NR5A2: variants seen among roughly 807,000 people sequenced by gnomAD.
NR5A2 encodes CYP7A promoter-binding factor.
Under a neutral mutation model 62.7 loss-of-function variants are expected in NR5A2, and 26 were observed. The observed-to-expected ratio is 0.41, with a 90% CI of 0.30 to 0.58. The LOEUF is 0.58. NR5A2 is among the 20% of genes least tolerant of loss of function. The probability of loss-of-function intolerance (pLI) is 0.22; values close to 1 mark genes in which losing one functional copy is unlikely to be tolerated. For missense variants in NR5A2, 541 were observed against 669.1 expected (o/e 0.81, Z 2.11); for synonymous variants, 246 against 241.7 (o/e 1.02, Z -0.16).
chr1:200,076,986 T>C (rs1167057589), intron 5 of NR5A2, among the ~76,000 whole-genome samples: 1 of 152,184 alleles, frequency 6.6e-6, no homozygotes, highest in Non-Finnish European at 1.5e-5. Context: ...AAAAGTTAGG[T>C]AGACCATGTC....
At chr1:200,067,467 AG>A (rs975097819) in intron 5 of NR5A2, among the ~76,000 whole-genome samples, 31 of 152,198 alleles carry the variant, frequency 2.0e-4, no homozygotes, top group Non-Finnish European at 4.3e-4. Context: ...GAGGCAGGAC[AG>A]TTGCTTGAAC....
intron 5 of NR5A2, among the ~76,000 whole-genome samples, chr1:200,066,892 T>A (rs1315880142): frequency 6.6e-6 from 1 of 152,202 alleles, no homozygotes; most frequent in Non-Finnish European, 1.5e-5. Flanking sequence ...CCATCTATTT[T>A]AAAGTTTGGC....
intron 7 of NR5A2, among the ~76,000 whole-genome samples, chr1:200,169,376 C>T (rs1256632529): frequency 6.6e-6 from 1 of 152,166 alleles, no homozygotes; most frequent in Non-Finnish European, 1.5e-5. Flanking sequence ...ATGTGAGCCT[C>T]ACAGCCCCCA....
intron 5 of NR5A2, among the ~76,000 whole-genome samples, chr1:200,065,235 C>T (rs1663413424): frequency 6.6e-6 from 1 of 152,196 alleles, no homozygotes; most frequent in African/African-American, 2.4e-5. Flanking sequence ...CAACCTCTGC[C>T]TGGGTTCAAG....
At chr1:200,030,022 T>C (rs1461184452) in intron 1 of NR5A2, among the ~76,000 whole-genome samples, 1 of 152,230 alleles carries the variant, frequency 6.6e-6, no homozygotes, top group Admixed American at 6.5e-5. Context: ...AACTATTGGA[T>C]TGAAGGGCCT....
chr1:200,074,403 A>G (rs983738925), intron 5 of NR5A2, among the ~76,000 whole-genome samples: 11 of 147,460 alleles, frequency 7.5e-5, no homozygotes, highest in Non-Finnish European at 1.6e-4. Flanking sequence ...ATCTAAAAGA[A>G]AAGAAAAAAA....
chr1:200,111,337 A>AAG lies in NR5A2; in HGVS notation c.1230+17_1230+18insGA, dbSNP rs1491557884. 2.1e-5 allele frequency: 6 copies of AAG among 285,884 alleles called. No homozygotes were observed. The highest frequency in any genetic ancestry group is 1.4e-4 in the African/African-American group (4 of 28,262). 17.7% of individuals were successfully genotyped at this position (285,884 alleles called of 1,614,324 possible). On this transcript the variant is annotated intron_variant, in intron 6 of 7. Transcript: ENST00000367362. ...TGGGCAACAAGTGAGTGTAGAGACC[A>AAG]AAAAAAAAAAAAAAGCATCTTTTTA... is the stretch of plus-strand genomic sequence containing the variant.
chr1:200,085,836 G>C (rs1352056699), intron 5 of NR5A2, among the ~76,000 whole-genome samples: 2 of 152,164 alleles, frequency 1.3e-5, no homozygotes, highest in Non-Finnish European at 2.9e-5. Context: ...CAGAAACTCA[G>C]TAGATAAGAA....
intron 5 of NR5A2, among the ~76,000 whole-genome samples, chr1:200,064,102 T>C (rs1027544777): frequency 8.6e-5 from 13 of 151,674 alleles, no homozygotes; most frequent in African/African-American, 3.2e-4. Context: ...TGAGCCAAGA[T>C]TGCACCATCG....
intron 5 of NR5A2, among the ~76,000 whole-genome samples, chr1:200,068,875 A>C (rs1217572066): frequency 6.6e-6 from 1 of 152,212 alleles, no homozygotes; most frequent in Non-Finnish European, 1.5e-5. Context: ...AATTTGGTAA[A>C]ATAGGATTTA....
chr1:200,151,982 G>A (rs1375964273), intron 7 of NR5A2, among the ~76,000 whole-genome samples: 3 of 152,206 alleles, frequency 2.0e-5, no homozygotes, highest in East Asian at 1.9e-4. Flanking sequence ...CATATGCAAA[G>A]TTTTATTCTC....
At chr1:200,135,286 C>T (rs926046779) in intron 7 of NR5A2, among the ~76,000 whole-genome samples, 1 of 152,084 alleles carries the variant, frequency 6.6e-6, no homozygotes, top group African/African-American at 2.4e-5. Context: ...TTTGGGAGGC[C>T]GAGGCAGGTG....
At chr1:200,041,675 A>G (rs1393579041) in intron 2 of NR5A2, among the ~76,000 whole-genome samples, 1 of 151,958 alleles carries the variant, frequency 6.6e-6, no homozygotes, top group Admixed American at 6.6e-5. Context: ...CTTTGCCCCG[A>G]TGAGTTCGCC....
chr1:200,033,927 CTT>C (rs1328540671), intron 1 of NR5A2, among the ~76,000 whole-genome samples: 2 of 152,188 alleles, frequency 1.3e-5, no homozygotes, highest in African/African-American at 4.8e-5. Context: ...TCCCGGCACT[CTT>C]TGACCTTAAG....
intron 5 of NR5A2, among the ~76,000 whole-genome samples, chr1:200,081,187 G>C (rs927705283): frequency 6.6e-6 from 1 of 152,160 alleles, no homozygotes; most frequent in Non-Finnish European, 1.5e-5. Flanking sequence ...CCAGCTGAGG[G>C]TACCATAGCT....
intron 7 of NR5A2, among the ~76,000 whole-genome samples, chr1:200,161,384 T>C (rs552198026): frequency 1.3e-5 from 2 of 152,352 alleles, no homozygotes; most frequent in African/African-American, 4.8e-5. Flanking sequence ...CAGAAGTTGA[T>C]ACAATGTACG....
chr1:200,066,670 C>CGGT (rs1219003963), intron 5 of NR5A2, among the ~76,000 whole-genome samples: 1 of 148,138 alleles, frequency 6.8e-6, no homozygotes, highest in Non-Finnish European at 1.5e-5. Context: ...TCACAGCAAC[C>CGGT]TCTGCCTCCT....
intron 5 of NR5A2, among the ~76,000 whole-genome samples, chr1:200,049,665 T>G (rs1662536697): frequency 6.6e-6 from 1 of 152,256 alleles, no homozygotes; most frequent in Admixed American, 6.5e-5. Context: ...AAGTGAGTCT[T>G]GAATTTGATT....
intron 4 of NR5A2, among the ~76,000 whole-genome samples, chr1:200,047,733 C>T (rs773220086): frequency 8.5e-5 from 13 of 152,056 alleles, no homozygotes; most frequent in Admixed American, 2.0e-4. Context: ...CCCACCACTA[C>T]GCCTGGCTAA....
Sources: gnomAD v4.1 joint callset for allele counts (sites outside exome capture counted in the v4.1 genomes callset) on GRCh38, gnomAD v4.1.1 for gene constraint, MANE v1.5 for transcripts, NCBI Gene and HGNC (gene_info 2026-07-23, HGNC 2026-07-21) for gene names.